Variants in LRCH2 observed in about 807,000 individuals in gnomAD.
The protein encoded by LRCH2 is leucine-rich repeat and calponin homology domain-containing protein 2.
Under a neutral mutation model 68.9 loss-of-function variants are expected in LRCH2, and 38 were observed. The ratio of observed to expected loss-of-function variants is 0.55; its 90% confidence interval spans 0.43 to 0.72. LRCH2 has a LOEUF of 0.72. LRCH2 is among the 30% of genes least tolerant of loss of function. The pLI is 0.00. For synonymous variants in LRCH2, 191 were observed against 208.1 expected, an observed-to-expected ratio of 0.92 and a Z score of 0.71; for missense variants, 528 against 572.9, an observed-to-expected ratio of 0.92 and a Z score of 0.80.
intron 3 of LRCH2, among the ~76,000 whole-genome samples, chrX:115,181,146 G>A (rs1018383514): frequency 2.7e-4 from 30 of 111,435 alleles, no homozygotes; most frequent in Admixed American, 2.1e-3. Flanking sequence ...CAGGCAGAGC[G>A]CACCTGACAG....
chrX:115,191,021 C>G, intron 1 of LRCH2: 1 of 1,163,945 alleles, frequency 8.6e-7, no homozygotes, highest in Non-Finnish European at 1.1e-6. Context: ...GGCCGTTCAC[C>G]CGACACCCAC....
At chrX:115,154,307 G>C (rs1556539019) in intron 12 of LRCH2, among the ~76,000 whole-genome samples, 3 of 111,690 alleles carry the variant, frequency 2.7e-5, no homozygotes, top group African/African-American at 9.7e-5. Context: ...ATTAGTGTTG[G>C]AGATTTCAAT....
intron 7 of LRCH2, 127 bp from the exon 8 acceptor site, chrX:115,166,079 A>G (rs2072557384): frequency 1.6e-6 from 1 of 636,593 alleles, no homozygotes; most frequent in Admixed American, 3.8e-5. Flanking sequence ...ACCCAAAATT[A>G]ACATAAGGTT....
chrX:115,195,801 A>G (rs1603085587), intron 1 of LRCH2, among the ~76,000 whole-genome samples: 2 of 111,674 alleles, frequency 1.8e-5, no homozygotes, highest in Admixed American at 1.9e-4. Flanking sequence ...TCCAGGCCAC[A>G]GCAGAGCACC....
At chrX:115,118,212 A>C (rs907093698) in intron 20 of LRCH2, among the ~76,000 whole-genome samples, 1 of 110,071 alleles carries the variant, frequency 9.1e-6, no homozygotes, top group South Asian at 3.9e-4. Flanking sequence ...CCCTTCAAAA[A>C]ATTAATGAAT....
intron 1 of LRCH2, among the ~76,000 whole-genome samples, chrX:115,227,241 A>T (rs2073125007): frequency 9.3e-6 from 1 of 107,844 alleles, no homozygotes; most frequent in Admixed American, 1.0e-4. Flanking sequence ...AACAGCCACT[A>T]TATTCCAGCC....
chrX:115,168,221 T>C (rs921389393), intron 6 of LRCH2, among the ~76,000 whole-genome samples: 1 of 111,848 alleles, frequency 8.9e-6, no homozygotes, highest in Non-Finnish European at 1.9e-5. Context: ...AAGGGCATTC[T>C]AGGTAGTAAG....
intron 1 of LRCH2, chrX:115,189,283 T>C: frequency 2.0e-6 from 1 of 510,925 alleles, no homozygotes; most frequent in Non-Finnish European, 3.2e-6. Context: ...TAGACGTTGG[T>C]GTTCCCAAGA....
rs148836712 is a variant in LRCH2, at chrX:115,189,344, C to A, written c.350-974G>T. On this transcript the variant is annotated intron_variant, in intron 1 of 20. Coordinates refer to ENST00000317135, the MANE Select transcript of LRCH2 (RefSeq NM_020871.4). The stretch of plus-strand genomic sequence containing the variant: ...TTCTTGAGACATCCACCCCCCCAAC[C>A]GGTAGGAGCCGCCCTCCACGAGAGC... The A allele has an allele frequency of 2.8e-3, 2,613 of 937,641 alleles. 2 individuals carry two copies. The highest frequency in any genetic ancestry group is 0.012 in the Middle Eastern group (36 of 3,042). 77.3% of individuals were successfully genotyped at this position (937,641 alleles called of 1,213,427 possible). A position where few individuals can be genotyped will look rare whatever the true frequency, so the allele number is the denominator to read the frequency against.
At chrX:115,182,028 C>T (rs1483929598) in intron 3 of LRCH2, among the ~76,000 whole-genome samples, 2 of 111,115 alleles carry the variant, frequency 1.8e-5, no homozygotes, top group African/African-American at 6.6e-5. Flanking sequence ...TATAAGTAAT[C>T]TAGAAATGAT....
chrX:115,186,125 C>T (rs1376339242), intron 2 of LRCH2, among the ~76,000 whole-genome samples: 2 of 111,544 alleles, frequency 1.8e-5, no homozygotes, highest in Non-Finnish European at 3.8e-5. Flanking sequence ...TTTTGAGAGG[C>T]CGAGGCGGGC....
chrX:115,229,019 C>T (rs1424236569), intron 1 of LRCH2, among the ~76,000 whole-genome samples: 6 of 110,975 alleles, frequency 5.4e-5, no homozygotes, highest in Non-Finnish European at 7.5e-5. Context: ...TTTTTATTAG[C>T]CATAATCATG....
rs782138795 is a variant in LRCH2 at position 115,190,071 on chromosome X, G to C, written c.350-1701C>G. 3.1e-5 allele frequency: 36 copies of C among 1,153,071 alleles called. 1 individual carries two copies. In the South Asian group the frequency reaches 5.9e-4, roughly 19 times the overall value. ...CACCCCACAAGAGGGCTGTGCCCCG[G>C]TCAAGCCTGGCTCGCATTGGCGGCA... On this transcript the variant is annotated intron_variant, in intron 1 of 20. Coordinates refer to ENST00000317135, the MANE Select transcript of LRCH2 (RefSeq NM_020871.4).
chrX:115,116,001 A>T (rs2072079190), intron 20 of LRCH2, among the ~76,000 whole-genome samples: 1 of 111,417 alleles, frequency 9.0e-6, no homozygotes, highest in South Asian at 3.7e-4. Flanking sequence ...ATAAGATATC[A>T]CATCACATAC....
intron 20 of LRCH2, among the ~76,000 whole-genome samples, chrX:115,119,990 C>T (rs1432418843): frequency 1.8e-5 from 2 of 110,973 alleles, no homozygotes; most frequent in African/African-American, 3.3e-5. Flanking sequence ...AAACTGGATC[C>T]CTTCCTTACA....
At chrX:115,218,139 A>T (rs1478993057) in intron 1 of LRCH2, among the ~76,000 whole-genome samples, 2 of 111,769 alleles carry the variant, frequency 1.8e-5, no homozygotes, top group Non-Finnish European at 3.8e-5. Flanking sequence ...CCCGTCTCAA[A>T]GAATAAAAAA....
rs77749325 is a variant in LRCH2, at chrX:115,124,326, G to C, written c.1792-324C>G. Among the ~76,000 whole-genome samples the C allele has an allele frequency of 5.0e-3, 562 of 111,976 alleles. 4 individuals carry two copies. The highest frequency in any genetic ancestry group is 0.043 in the Admixed American group (453 of 10,473). The stretch of plus-strand genomic sequence containing the variant: ...TGAAGTTTCCGAAAAAAAGAAGTAA[G>C]CTTCAATGAAAAGGTAAGTGAATTT... On this transcript the variant is annotated intron_variant, in intron 16 of 20. Transcript: ENST00000317135.
At chrX:115,130,328 A>C in intron 14 of LRCH2, 129 bp from the exon 15 acceptor site, 2 of 367,000 alleles carry the variant, frequency 5.4e-6, no homozygotes, top group Admixed American at 1.1e-4. Context: ...ATTTAAGTAT[A>C]TAACAGGTGT....
At chrX:115,130,706 T>C (rs1556529750) in intron 14 of LRCH2, among the ~76,000 whole-genome samples, 1 of 111,710 alleles carries the variant, frequency 9.0e-6, no homozygotes, top group African/African-American at 3.2e-5. Context: ...TAAATGTATA[T>C]ATTGATTGTT....
Sources: allele counts gnomAD v4.1 joint callset (sites outside exome capture counted in the v4.1 genomes callset), GRCh38; gene constraint gnomAD v4.1.1; transcripts MANE v1.5; gene names NCBI Gene and HGNC (gene_info 2026-07-23, HGNC 2026-07-21).